Variants in GALNT13 observed in about 807,000 individuals in gnomAD.
GALNT13 encodes UDP-GalNAc:polypeptide N-acetylgalactosaminyltransferase 13.
In GALNT13, 28 loss-of-function variants were observed where a neutral mutation model predicts 64.2. The ratio of observed to expected loss-of-function variants is 0.44; its 90% CI spans 0.32 to 0.60. The LOEUF (loss-of-function observed/expected upper bound fraction) is 0.60, where lower values mean the gene tolerates loss of function less well. Among genes scored for constraint, GALNT13 ranks in the 20% least tolerant of loss-of-function variants. The probability of loss-of-function intolerance (pLI) is 0.05; values close to 1 mark genes in which losing one functional copy is unlikely to be tolerated. For synonymous variants in GALNT13, 214 were observed against 224.6 expected (o/e 0.95, Z 0.42); for missense variants, 577 against 669.8 (o/e 0.86, Z 1.53).
chr2:154,230,894 C>G (rs997830929), intron 4 of GALNT13, among the ~76,000 whole-genome samples: 7 of 152,092 alleles, frequency 4.6e-5, no homozygotes, highest in African/African-American at 1.7e-4. Context: ...GCTTTTTTCT[C>G]ACATTAATGA....
At chr2:153,440,977 T>A in the GALNT13 span, among the ~76,000 whole-genome samples, 14 of 152,322 alleles carry the variant, frequency 9.2e-5, no homozygotes, top group Admixed American at 2.0e-4. Flanking sequence ...CAATATTGGC[T>A]TTTGTTGCCA....
chr2:154,173,730 A>G (rs1685493192), intron 4 of GALNT13, among the ~76,000 whole-genome samples: 1 of 152,158 alleles, frequency 6.6e-6, no homozygotes, highest in Non-Finnish European at 1.5e-5. Context: ...AAAGGTCTGA[A>G]TAGACATTTC....
chr2:153,887,752 C>G (rs1462443691), intron 1 of GALNT13, among the ~76,000 whole-genome samples: 1 of 151,900 alleles, frequency 6.6e-6, no homozygotes, highest in Non-Finnish European at 1.5e-5. Context: ...GCATTTCCCC[C>G]TTAGTTATTT....
the GALNT13 span, among the ~76,000 whole-genome samples, chr2:153,661,325 A>G: frequency 2.6e-5 from 4 of 152,148 alleles, no homozygotes; most frequent in African/African-American, 9.7e-5. Flanking sequence ...GAGAAAGGCT[A>G]CTCAGCTGCT....
chr2:153,622,911 G>T, the GALNT13 span, among the ~76,000 whole-genome samples: 2 of 152,182 alleles, frequency 1.3e-5, no homozygotes, highest in South Asian at 2.1e-4. Flanking sequence ...GACTGAGAAT[G>T]ATTTCTAGGT....
chr2:154,024,458 A>G (rs977424147), intron 3 of GALNT13, among the ~76,000 whole-genome samples: 2 of 151,884 alleles, frequency 1.3e-5, no homozygotes, highest in Non-Finnish European at 2.9e-5. Flanking sequence ...TCCATCACTG[A>G]TACCCTTTCT....
At chr2:153,681,326 TAATCTC>T in the GALNT13 span, among the ~76,000 whole-genome samples, 1 of 151,858 alleles carries the variant, frequency 6.6e-6, no homozygotes, top group Non-Finnish European at 1.5e-5. Flanking sequence ...ATGATAATAT[TAATCTC>T]AAAGATATCT....
At chr2:153,343,340 A>C in the GALNT13 span, among the ~76,000 whole-genome samples, 3 of 152,336 alleles carry the variant, frequency 2.0e-5, no homozygotes, top group South Asian at 6.2e-4. Flanking sequence ...TGAACAATGG[A>C]AGAAGGTGAT....
chr2:153,196,099 C>T, the GALNT13 span, among the ~76,000 whole-genome samples: 6 of 152,274 alleles, frequency 3.9e-5, no homozygotes, highest in Admixed American at 2.0e-4. Context: ...CCACCAGGAG[C>T]GGGTCAGGAA....
intron 3 of GALNT13, among the ~76,000 whole-genome samples, chr2:153,993,779 G>C (rs1352142594): frequency 2.0e-5 from 3 of 151,590 alleles, no homozygotes; most frequent in Admixed American, 6.6e-5. Flanking sequence ...AATTTTGGTG[G>C]TAATGACTTT....
Position 154,147,504 on chromosome 2 carries a change from T to C in GALNT13, c.311+6999T>C, listed in dbSNP as rs187400007. 3.3e-5 allele frequency among the ~76,000 whole-genome samples: 5 copies of C among 151,680 alleles called. No individual in the cohort carries two copies. In the East Asian group the frequency reaches 7.8e-4, roughly 24 times the overall value. On this transcript the variant is annotated intron_variant, in intron 4 of 12. Transcript: ENST00000392825. ...GTATTTGGAACCAAGCTTTGTAAGA[T>C]GAATTTGTGTAGAATCAGGCTGACA...
At chr2:153,630,234 A>G in the GALNT13 span, among the ~76,000 whole-genome samples, 15 of 152,012 alleles carry the variant, frequency 9.9e-5, no homozygotes, top group Non-Finnish European at 2.1e-4. Flanking sequence ...AATAGCAGAG[A>G]CTTGGAACCA....
At chr2:154,281,466 A>G (rs1422686432) in intron 8 of GALNT13, among the ~76,000 whole-genome samples, 1 of 152,170 alleles carries the variant, frequency 6.6e-6, no homozygotes, top group East Asian at 1.9e-4. Context: ...AGAAAACACA[A>G]AAGCCATAAA....
the GALNT13 span, among the ~76,000 whole-genome samples, chr2:153,388,535 GC>G: frequency 2.6e-5 from 4 of 151,992 alleles, no homozygotes; most frequent in Non-Finnish European, 4.4e-5. Flanking sequence ...ACATTCTTAT[GC>G]CTGGAAAAGC....
chr2:153,911,446 C>A (rs766024615), intron 2 of GALNT13, among the ~76,000 whole-genome samples: 1 of 152,066 alleles, frequency 6.6e-6, no homozygotes, highest in African/African-American at 2.4e-5. Context: ...TTGACCCTGT[C>A]GCAGTGTTTT....
chr2:153,438,298 T>A, the GALNT13 span, among the ~76,000 whole-genome samples: 1 of 152,190 alleles, frequency 6.6e-6, no homozygotes, highest in Non-Finnish European at 1.5e-5. Context: ...CTGATAATTA[T>A]GTGTCTTGGA....
At chr2:154,159,079 A>G (rs776558593) in intron 4 of GALNT13, among the ~76,000 whole-genome samples, 21 of 151,938 alleles carry the variant, frequency 1.4e-4, no homozygotes, top group Non-Finnish European at 3.1e-4. Context: ...CTCACTAAAC[A>G]TAAGTTCATT....
At chr2:153,653,984 C>T in the GALNT13 span, among the ~76,000 whole-genome samples, 19 of 152,020 alleles carry the variant, frequency 1.2e-4, no homozygotes, top group African/African-American at 4.1e-4. Context: ...ATTGATGAAC[C>T]AGGTTGAAGC....
chr2:154,286,639 G>C, intron 8 of GALNT13: 1 of 260,870 alleles, frequency 3.8e-6, no homozygotes, highest in South Asian at 5.2e-5. Context: ...TGGCCTTATA[G>C]CTGTTGTAGG....
Sources: allele counts gnomAD v4.1 joint callset (sites outside exome capture counted in the v4.1 genomes callset), GRCh38; gene constraint gnomAD v4.1.1; transcripts MANE v1.5; gene names NCBI Gene and HGNC (gene_info 2026-07-23, HGNC 2026-07-21).